The following EFCAB8 variants were observed in gnomAD, a reference collection of about 807,000 sequenced individuals.
The protein encoded by EFCAB8 is EF-hand calcium binding domain 8.
In EFCAB8, 100 loss-of-function variants were observed where a neutral mutation model predicts 116.3. That is an observed-to-expected ratio of 0.86 (90% CI 0.73 to 1.02). The LOEUF is 1.02. EFCAB8 is among the 50% of genes least tolerant of loss of function. The pLI is 0.00. For synonymous variants in EFCAB8, 558 were observed against 567.9 expected (o/e 0.98, Z 0.25); for missense variants, 1,320 against 1,416.9 (o/e 0.93, Z 1.10).
At chr20:32,923,828 T>TACAG in intron 20 of EFCAB8, among the ~76,000 whole-genome samples, 1 of 152,156 alleles carries the variant, frequency 6.6e-6, no homozygotes, top group East Asian at 1.9e-4. Flanking sequence ...CTGCACAGAG[T>TACAG]CTGTATAGCT....
intron 15 of EFCAB8, 110 bp downstream of exon 15, chr20:32,910,041 G>A: frequency 2.1e-6 from 1 of 478,016 alleles, no homozygotes; most frequent in Non-Finnish European, 3.4e-6. Context: ...ATGGCACATT[G>A]GGAACTCTTA....
rs531512062 is a variant in EFCAB8 at position 32,928,003 on chromosome 20, A to G, written c.2413-2395A>G. Among the ~76,000 whole-genome samples, 13 of 152,122 alleles carry G rather than the reference A, an allele frequency of 8.5e-5. No individual in the cohort carries two copies. In the East Asian group the frequency reaches 2.5e-3, roughly 29 times the overall value. The stretch of plus-strand genomic sequence containing the variant: ...TAACTCCCACTCCCCTCTCCCTCCA[A>G]ACCCTGGAAACCCCCATTCTACTTT... On this transcript the variant is annotated intron_variant, in intron 20 of 26. Transcript: ENST00000400522.
At chr20:32,902,225 T>G (rs1986461211) in intron 11 of EFCAB8, among the ~76,000 whole-genome samples, 1 of 151,762 alleles carries the variant, frequency 6.6e-6, no homozygotes, top group African/African-American at 2.4e-5. Context: ...GCAGGTGGAG[T>G]GTCCATGGGC....
At chr20:32,879,621 G>T (rs1985207863) in intron 5 of EFCAB8, among the ~76,000 whole-genome samples, 1 of 152,140 alleles carries the variant, frequency 6.6e-6, no homozygotes. Context: ...TTCATGCTAG[G>T]TTCAATGGAG....
At chr20:32,887,881 G>A (rs1003020577) in intron 6 of EFCAB8, among the ~76,000 whole-genome samples, 3 of 152,210 alleles carry the variant, frequency 2.0e-5, no homozygotes, top group African/African-American at 4.8e-5. Context: ...ACAAATTATC[G>A]GTTAGTAAGC....
chr20:32,879,814 G>A (rs1985222333), intron 5 of EFCAB8, among the ~76,000 whole-genome samples: 1 of 152,150 alleles, frequency 6.6e-6, no homozygotes, highest in Non-Finnish European at 1.5e-5. Flanking sequence ...TGAACATACT[G>A]CTTCTCAAAT....
chr20:32,947,912 A>AG (rs1245883405), intron 23 of EFCAB8, among the ~76,000 whole-genome samples: 1 of 151,492 alleles, frequency 6.6e-6, no homozygotes, highest in Non-Finnish European at 1.5e-5. Context: ...TTAAAAAAAA[A>AG]AAAAAAGAAA....
At chr20:32,886,061 T>C (rs151295353) in intron 6 of EFCAB8, among the ~76,000 whole-genome samples, 178 of 152,304 alleles carry the variant, frequency 1.2e-3, no homozygotes, top group African/African-American at 4.1e-3. Context: ...CAGGAAATCA[T>C]AGTGGTTATG....
chr20:32,872,104 C>A (rs1255596560), intron 3 of EFCAB8, among the ~76,000 whole-genome samples: 1 of 152,134 alleles, frequency 6.6e-6, no homozygotes, highest in Non-Finnish European at 1.5e-5. Flanking sequence ...CCATTTATTC[C>A]TTGATCCAGC....
At chr20:32,878,508 C>CTTTTT (rs1292839813) in intron 4 of EFCAB8, among the ~76,000 whole-genome samples, 196 bp from the exon 5 acceptor site, 7 of 116,620 alleles carry the variant, frequency 6.0e-5, no homozygotes, top group Admixed American at 9.3e-5. Context: ...GGCTTGAGTT[C>CTTTTT]TTTTTTTTTT....
chr20:32,864,635 CT>C (rs1196229935), intron 2 of EFCAB8, among the ~76,000 whole-genome samples: 1 of 152,116 alleles, frequency 6.6e-6, no homozygotes, highest in Admixed American at 6.5e-5. Context: ...CCCGAGCCCC[CT>C]GATGTACGGT....
At chr20:32,937,670 G>A (rs147552740) in intron 22 of EFCAB8, among the ~76,000 whole-genome samples, 1 of 150,962 alleles carries the variant, frequency 6.6e-6, no homozygotes, top group East Asian at 1.9e-4. Context: ...CCAGGCTGGA[G>A]TACAATGGTG....
In EFCAB8 at chr20:32,961,294, T is replaced by A. The variant is rs1191018417; in HGVS notation, c.3552T>A (p.Ala1184=). Residue 1184 remains alanine (A), a synonymous_variant, in exon 27 of 27, where the codon GCT becomes GCA. Transcript: ENST00000400522. ...ACCTGGTGCCCAGCAGGGAGCAGGC[T>A]GTGCTGGATACCACGGACAGCACGC... ...QKDLVPSREQ[A]VLDTTDSTPA... is the part of the protein sequence containing the mutation. 4.5e-6 allele frequency: 7 copies of A among 1,545,050 alleles called. No homozygotes were observed. In the Admixed American group the frequency reaches 1.4e-4, roughly 31 times the overall value.
intron 8 of EFCAB8, among the ~76,000 whole-genome samples, chr20:32,892,585 C>T (rs1336951597): frequency 6.6e-6 from 1 of 152,150 alleles, no homozygotes; most frequent in Non-Finnish European, 1.5e-5. Context: ...ACTCTGGGGA[C>T]ATCACAGTCT....
chr20:32,953,122 T>C (rs1988848367), intron 23 of EFCAB8, among the ~76,000 whole-genome samples: 2 of 152,226 alleles, frequency 1.3e-5, no homozygotes, highest in Admixed American at 1.3e-4. Flanking sequence ...GCCCTCAATA[T>C]TTATTAATAT....
intron 5 of EFCAB8, among the ~76,000 whole-genome samples, chr20:32,883,809 G>A (rs764626261): frequency 1.1e-4 from 16 of 152,092 alleles, no homozygotes; most frequent in African/African-American, 2.4e-5. Context: ...TCCTGCCTCA[G>A]CCTCCTGAGT....
At chr20:32,947,577 T>C (rs982593759) in intron 23 of EFCAB8, among the ~76,000 whole-genome samples, 4 of 152,148 alleles carry the variant, frequency 2.6e-5, no homozygotes, top group African/African-American at 9.6e-5. Context: ...ATTTGGAAGC[T>C]AAATGACACA....
Position 32,948,570 on chromosome 20 carries a change from A to AAG in EFCAB8, c.2959+4768_2959+4769dup, listed in dbSNP as rs199666553. ...AAAGAAAGAAAGAAAGAAAGAAAGA[A>AAG]AGAAAGAAAGAAAAGAAAGGAAAAG... On this transcript the variant is annotated intron_variant, in intron 23 of 26. Coordinates refer to ENST00000400522, the MANE Select transcript of EFCAB8 (RefSeq NM_001143967.2). Among the ~76,000 whole-genome samples, 488 of 149,782 alleles carry AAG rather than the reference A, an allele frequency of 3.3e-3. 8 individuals carry two copies. The highest frequency in any genetic ancestry group is 0.012 in the African/African-American group (460 of 39,710).
At position 32,911,705 on chromosome 20, in the gene EFCAB8, G is replaced by C. The variant is rs936415756; in HGVS notation, c.1783G>C (p.Glu595Gln). The C allele has an allele frequency of 5.2e-6, 8 of 1,551,564 alleles. No homozygotes were observed. The African/African-American group carries it at 8.2e-5, about 16-fold the overall frequency. ...LLTFPSPEQL[E>Q]ISGIIHMNKV... Reference sequence around the variant, plus strand: ...GACCTTTCCCAGTCCGGAACAGCTGGAGGTCAGTCTTGCTTGTCAATTACA... The same window carrying C: ...GACCTTTCCCAGTCCGGAACAGCTGCAGGTCAGTCTTGCTTGTCAATTACA... Residue 595 changes from glutamate (E) to glutamine (Q), a missense_variant and splice_region_variant, in exon 16 of 27, where the codon GAG becomes CAG. Physicochemically the swap from Glu to Gln is conservative, Grantham distance 29 (BLOSUM62 2). Transcript: ENST00000400522.
Sources: gnomAD v4.1 joint callset for allele counts (sites outside exome capture counted in the v4.1 genomes callset) on GRCh38, gnomAD v4.1.1 for gene constraint, MANE v1.5 for transcripts, NCBI Gene and HGNC (gene_info 2026-07-23, HGNC 2026-07-21) for gene names.